The following TFDP2 variants were observed in gnomAD, a reference collection of about 807,000 sequenced individuals.
The protein encoded by TFDP2 is transcription factor Dp-2.
TFDP2 carries 17 observed loss-of-function variants against 59.3 expected under a neutral mutation model. That is an observed-to-expected ratio of 0.29 (90% CI 0.20 to 0.43). TFDP2 has a LOEUF of 0.43. TFDP2 is among the 20% of genes least tolerant of loss of function. The probability of loss-of-function intolerance (pLI) is 1.00; values close to 1 mark genes in which losing one functional copy is unlikely to be tolerated. For synonymous variants in TFDP2, 180 were observed against 194.7 expected, an observed-to-expected ratio of 0.92 and a Z score of 0.63; for missense variants, 391 against 528.8, an observed-to-expected ratio of 0.74 and a Z score of 2.56.
chr3:142,115,650 G>A (rs2061831879), intron 1 of TFDP2, among the ~76,000 whole-genome samples: 1 of 152,170 alleles, frequency 6.6e-6, no homozygotes, highest in Non-Finnish European at 1.5e-5. Flanking sequence ...GTACCTGCAT[G>A]TAGAGAAATA....
intron 3 of TFDP2, among the ~76,000 whole-genome samples, chr3:142,069,549 T>C (rs750524101): frequency 1.3e-5 from 2 of 151,992 alleles, no homozygotes; most frequent in Non-Finnish European, 2.9e-5. Context: ...ACCAGTAGTA[T>C]AGGAAAGCAT....
intron 3 of TFDP2, among the ~76,000 whole-genome samples, chr3:142,020,569 G>T (rs571244704): frequency 8.6e-5 from 13 of 151,356 alleles, no homozygotes; most frequent in Admixed American, 2.6e-4. Context: ...AAGTAACTCA[G>T]GCTCTGTAGG....
intron 1 of TFDP2, among the ~76,000 whole-genome samples, chr3:142,103,081 C>CA (rs1229570001): frequency 6.6e-6 from 1 of 151,754 alleles, no homozygotes; most frequent in Non-Finnish European, 1.5e-5. Context: ...ACTAAAAATA[C>CA]AAAAAAATTA....
intron 1 of TFDP2, among the ~76,000 whole-genome samples, chr3:142,145,279 G>A (rs1007807171): frequency 6.6e-6 from 1 of 152,172 alleles, no homozygotes; most frequent in African/African-American, 2.4e-5. Flanking sequence ...AGGAACTATG[G>A]TGAGCAGGAG....
At position 141,995,048 on chromosome 3, in the gene TFDP2, T is replaced by C. The variant is rs766537127; in HGVS notation, c.280A>G (p.Ile94Val). Residue 94 changes from isoleucine (I) to valine (V), a missense_variant, in exon 5 of 13, where the codon ATA becomes GTA. Around this residue, in one of 3 missense-constraint regions of TFDP2, gnomAD observed 162 missense variants for 206.8 expected, o/e 0.78. Transcript: ENST00000489671. ...GGGACCCAGCCAGTAGCTTCTGCTA[T>C]GTGTGTCTGAGTAACCATTGCTGGT... ...PAPAMVTQTH[I>V]AEATGWVPGD... 1 of 1,608,142 alleles carries C rather than the reference T, an allele frequency of 6.2e-7. No individual in the cohort carries two copies. Among genetic ancestry groups the C allele is most frequent in the Non-Finnish European group, 8.5e-7 (1 of 1,176,808 alleles).
At chr3:142,053,549 T>G (rs1248967531) in intron 3 of TFDP2, among the ~76,000 whole-genome samples, 1 of 152,162 alleles carries the variant, frequency 6.6e-6, no homozygotes, top group Non-Finnish European at 1.5e-5. Flanking sequence ...CATGAGTCCT[T>G]TATAGCAACA....
chr3:142,084,171 T>C lies in TFDP2; in HGVS notation c.82+8890A>G, dbSNP rs554840106. Among the ~76,000 whole-genome samples, 12 of 152,264 alleles carry C rather than the reference T, an allele frequency of 7.9e-5. No homozygotes were observed. In the East Asian group the frequency reaches 2.3e-3, roughly 29 times the overall value. On this transcript the variant is annotated intron_variant, in intron 3 of 12. Coordinates refer to ENST00000489671, the MANE Select transcript of TFDP2 (RefSeq NM_001178139.2). ...TCAATTAAAAAATGGGCAAAAGATC[T>C]GAATAGACATTTCTCAAAATAAGAC...
chr3:142,058,555 G>A (rs964272475), intron 3 of TFDP2, among the ~76,000 whole-genome samples: 7 of 152,040 alleles, frequency 4.6e-5, no homozygotes, highest in South Asian at 2.1e-4. Flanking sequence ...CCATGACCCC[G>A]CCTCAGATTT....
At chr3:142,076,626 C>T (rs2108567274) in intron 3 of TFDP2, among the ~76,000 whole-genome samples, 1 of 152,256 alleles carries the variant, frequency 6.6e-6, no homozygotes, top group South Asian at 2.1e-4. Flanking sequence ...ACTAGTAAAA[C>T]ACAAATTAAT....
intron 8 of TFDP2, among the ~76,000 whole-genome samples, chr3:141,972,301 C>T (rs754843705): frequency 2.6e-5 from 4 of 152,206 alleles, no homozygotes; most frequent in Non-Finnish European, 2.9e-5. Context: ...TGGCCGCTGC[C>T]GTAACTCAGA....
rs567044919 is a variant in TFDP2, at chr3:142,065,202, T to C, written c.82+27859A>G. On this transcript the variant is annotated intron_variant, in intron 3 of 12. Transcript: ENST00000489671. The stretch of plus-strand genomic sequence containing the variant: ...TCTCACTCTTTCACCCAGGCTAGAG[T>C]GCAATGGTGTGATCTCAGCTCACTG... 2.0e-4 allele frequency among the ~76,000 whole-genome samples: 30 copies of C among 151,900 alleles called. No homozygotes were observed. The South Asian group carries it at 5.8e-3, about 29-fold the overall frequency.
At chr3:142,046,633 A>G (rs1178454025) in intron 3 of TFDP2, among the ~76,000 whole-genome samples, 3 of 152,044 alleles carry the variant, frequency 2.0e-5, no homozygotes, top group Admixed American at 1.3e-4. Flanking sequence ...TAAAGATCCT[A>G]CTTCCTTAAA....
At chr3:142,110,322 G>A (rs1407398688) in intron 1 of TFDP2, among the ~76,000 whole-genome samples, 1 of 151,932 alleles carries the variant, frequency 6.6e-6, no homozygotes, top group Admixed American at 6.6e-5. Context: ...TGGTCAACAC[G>A]ATGAAACCCT....
chr3:142,009,451 C>A (rs1020788603), intron 3 of TFDP2, among the ~76,000 whole-genome samples: 3 of 152,132 alleles, frequency 2.0e-5, no homozygotes, highest in Non-Finnish European at 1.5e-5. Context: ...GTGGCTCATG[C>A]CTGTAATCCC....
intron 1 of TFDP2, among the ~76,000 whole-genome samples, chr3:142,105,918 A>C (rs889339004): frequency 4.6e-5 from 7 of 152,190 alleles, no homozygotes; most frequent in African/African-American, 1.4e-4. Flanking sequence ...ATACATGTAA[A>C]ATTACTAAGA....
chr3:142,005,269 G>A (rs1189259945), intron 4 of TFDP2, among the ~76,000 whole-genome samples, 172 bp downstream of exon 4: 1 of 152,162 alleles, frequency 6.6e-6, no homozygotes, highest in Non-Finnish European at 1.5e-5. Context: ...GAACTCCTGG[G>A]CTCAAGTGAT....
At chr3:142,032,608 C>G (rs998399279) in intron 3 of TFDP2, among the ~76,000 whole-genome samples, 1 of 152,212 alleles carries the variant, frequency 6.6e-6, no homozygotes, top group South Asian at 2.1e-4. Context: ...TTTATATATC[C>G]CATAATCTCA....
intron 1 of TFDP2, among the ~76,000 whole-genome samples, chr3:142,132,156 G>A (rs2062539306): frequency 1.3e-5 from 2 of 150,074 alleles, no homozygotes. Context: ...AATATAAAGG[G>A]ATGATTATTG....
rs1935346201 is a variant in TFDP2, at chr3:141,947,220, A to AGTTT, written c.*5289_*5292dup. On this transcript the variant is annotated 3_prime_UTR_variant, in exon 13 of 13. Transcript: ENST00000489671. ...TGTGGGTCTTTGGGAAATGCATATT[A>AGTTT]GTTTTCATCAGTGCTTGGGGACCAT... The AGTTT allele has an allele frequency of 6.6e-6, 1 of 152,108 alleles. No homozygotes were observed. The highest frequency in any genetic ancestry group is 2.4e-5 in the African/African-American group (1 of 41,400). The allele number at this position is 152,108 out of a possible 1,614,324, so 9.4% of individuals were successfully genotyped here.
Sources: allele counts gnomAD v4.1 joint callset (sites outside exome capture counted in the v4.1 genomes callset), GRCh38; gene constraint gnomAD v4.1.1; regional missense constraint gnomAD v4.1.1; transcripts MANE v1.5; gene names NCBI Gene and HGNC (gene_info 2026-07-23, HGNC 2026-07-21).